The following EPM2A variants were observed in gnomAD, a reference collection of about 807,000 sequenced individuals.
The protein encoded by EPM2A is laforin.
A neutral mutation model predicts 26.5 loss-of-function variants in EPM2A; 21 were observed. That is an observed-to-expected ratio of 0.79 (90% CI 0.56 to 1.14). EPM2A has a LOEUF of 1.14. EPM2A is among the 50% of genes most tolerant of loss of function. The pLI is 0.00. For synonymous variants in EPM2A, 217 were observed against 177.6 expected (o/e 1.22, Z -1.76); for missense variants, 458 against 440.8 (o/e 1.04, Z -0.35).
intron 2 of EPM2A, among the ~76,000 whole-genome samples, chr6:145,546,431 T>C (rs181896047): frequency 1.1e-4 from 17 of 152,150 alleles, no homozygotes; most frequent in South Asian, 2.1e-4. Context: ...AGGGCAGATC[T>C]TCCTTACTCA....
intron 2 of EPM2A, among the ~76,000 whole-genome samples, chr6:145,586,343 T>A (rs923447477): frequency 1.3e-5 from 2 of 151,508 alleles, no homozygotes; most frequent in African/African-American, 4.9e-5. Context: ...GAATTTAACG[T>A]CTTTTTTTTA....
intron 2 of EPM2A, among the ~76,000 whole-genome samples, chr6:145,525,144 C>A (rs928194633): frequency 2.0e-5 from 3 of 152,094 alleles, no homozygotes; most frequent in South Asian, 2.1e-4. Context: ...GTTTTTGTAC[C>A]AATACCATGC....
chr6:145,390,530 C>T (rs1253460202), intron 4 of EPM2A, among the ~76,000 whole-genome samples: 1 of 150,852 alleles, frequency 6.6e-6, no homozygotes, highest in Non-Finnish European at 1.5e-5. Flanking sequence ...TCATTCTCTT[C>T]CCATCATTAT....
intron 2 of EPM2A, among the ~76,000 whole-genome samples, chr6:145,572,980 C>T (rs1195987136): frequency 6.6e-6 from 1 of 152,224 alleles, no homozygotes; most frequent in Non-Finnish European, 1.5e-5. Context: ...AGCAACTTAT[C>T]CTTCACCTTA....
chr6:145,401,292 A>G (rs1380803546), intron 4 of EPM2A, among the ~76,000 whole-genome samples: 1 of 152,134 alleles, frequency 6.6e-6, no homozygotes, highest in African/African-American at 2.4e-5. Context: ...CCATCTTTTT[A>G]TATATCATAT....
At chr6:145,598,247 C>CT (rs1327851475) in intron 2 of EPM2A, among the ~76,000 whole-genome samples, 6 of 151,976 alleles carry the variant, frequency 3.9e-5, no homozygotes, top group African/African-American at 1.4e-4. Context: ...TATTTTTTGA[C>CT]TTTTTTTTAA....
intron 4 of EPM2A, among the ~76,000 whole-genome samples, chr6:145,432,050 C>A (rs528027691): frequency 1.3e-5 from 2 of 152,266 alleles, no homozygotes; most frequent in South Asian, 4.1e-4. Flanking sequence ...CATGAGATTG[C>A]AGCAATTCAG....
chr6:145,731,563 G>A (rs894993580), intron 1 of EPM2A, among the ~76,000 whole-genome samples: 2 of 152,086 alleles, frequency 1.3e-5, no homozygotes, highest in African/African-American at 2.4e-5. Context: ...CTCATAAGTG[G>A]GAGTTGAACA....
At chr6:145,398,314 T>G (rs1389378302) in intron 4 of EPM2A, among the ~76,000 whole-genome samples, 1 of 152,212 alleles carries the variant, frequency 6.6e-6, no homozygotes, top group African/African-American at 2.4e-5. Context: ...GCTTGCCTGA[T>G]AGCTCTCCAG....
chr6:145,647,981 T>C (rs573270618), intron 2 of EPM2A, among the ~76,000 whole-genome samples: 13 of 152,352 alleles, frequency 8.5e-5, no homozygotes, highest in African/African-American at 3.1e-4. Flanking sequence ...TAACTCAACA[T>C]GTTTCCTTTC....
Position 145,735,245 on chromosome 6 carries a change from CAG to C in EPM2A, c.252_253del (p.Phe84LeufsTer23). 1 of 1,538,462 alleles carries C rather than the reference CAG, an allele frequency of 6.5e-7. No individual in the cohort carries two copies. The highest frequency in any genetic ancestry group is 1.9e-5 in the Admixed American group (1 of 51,744). On this transcript the variant is annotated frameshift_variant, in exon 1 of 4. Coordinates refer to ENST00000367519, the MANE Select transcript of EPM2A (RefSeq NM_005670.4). LOFTEE classifies it high-confidence loss of function. The stretch of plus-strand genomic sequence containing the variant: ...CGGCTCCCGCTTCAGGAACTTGTAC[CAG>C]AACGTGTCCACGCGGCCCGGCTCCG...
chr6:145,539,131 C>G (rs1022199395), intron 2 of EPM2A, among the ~76,000 whole-genome samples: 2 of 152,194 alleles, frequency 1.3e-5, no homozygotes, highest in African/African-American at 4.8e-5. Flanking sequence ...TCCTTCTACA[C>G]AAACACAGAT....
chr6:145,463,148 T>A (rs150899422), intron 4 of EPM2A: 1 of 152,136 alleles, frequency 6.6e-6, no homozygotes, highest in African/African-American at 2.4e-5. Flanking sequence ...TAGGCTGCAA[T>A]TCATTTCAGG....
intron 4 of EPM2A, among the ~76,000 whole-genome samples, chr6:145,440,649 A>G (rs1202561441): frequency 1.3e-5 from 2 of 152,188 alleles, no homozygotes; most frequent in Non-Finnish European, 2.9e-5. Context: ...GTTAAATACA[A>G]CCATTCCAAA....
At chr6:145,440,888 GC>G (rs1779053704) in intron 4 of EPM2A, among the ~76,000 whole-genome samples, 2 of 152,210 alleles carry the variant, frequency 1.3e-5, no homozygotes, top group Admixed American at 6.5e-5. Context: ...AATGTATGCA[GC>G]TTTTCCAGGT....
At chr6:145,702,440 A>G (rs1009622439) in intron 1 of EPM2A, among the ~76,000 whole-genome samples, 2 of 152,130 alleles carry the variant, frequency 1.3e-5, no homozygotes, top group African/African-American at 2.4e-5. Flanking sequence ...AAATCATTTA[A>G]GCAAACTGTG....
At chr6:145,645,584 G>A (rs192199217) in intron 2 of EPM2A, among the ~76,000 whole-genome samples, 48 of 152,012 alleles carry the variant, frequency 3.2e-4, no homozygotes, top group African/African-American at 1.2e-3. Context: ...GGATTACAGG[G>A]ATAAGCCACC....
chr6:145,698,528 G>C (rs1412907809), intron 1 of EPM2A, among the ~76,000 whole-genome samples: 3 of 150,530 alleles, frequency 2.0e-5, no homozygotes, highest in Non-Finnish European at 4.4e-5. Context: ...GCAGAAAATA[G>C]TACAACAAAA....
At chr6:145,559,782 C>G (rs940239157) in intron 2 of EPM2A, among the ~76,000 whole-genome samples, 3 of 151,808 alleles carry the variant, frequency 2.0e-5, no homozygotes, top group African/African-American at 7.2e-5. Flanking sequence ...ACCCTCCCCA[C>G]CCTCCTAAAT....
Sources: allele counts gnomAD v4.1 joint callset (sites outside exome capture counted in the v4.1 genomes callset), GRCh38; gene constraint gnomAD v4.1.1; transcripts MANE v1.5; gene names NCBI Gene and HGNC (gene_info 2026-07-23, HGNC 2026-07-21).